GABRA2: variants seen among roughly 807,000 people sequenced by gnomAD.
GABRA2 encodes the protein gamma-aminobutyric acid receptor subunit alpha-2.
Under a neutral mutation model 48.7 loss-of-function variants are expected in GABRA2, and 16 were observed. The observed-to-expected ratio is 0.33, with a 90% confidence interval of 0.22 to 0.50. The LOEUF (loss-of-function observed/expected upper bound fraction) is 0.50, where lower values mean the gene tolerates loss of function less well. GABRA2 is among the 20% of genes least tolerant of loss of function. The probability of loss-of-function intolerance (pLI) is 0.98; values close to 1 mark genes in which losing one functional copy is unlikely to be tolerated. For missense variants in GABRA2, 275 were observed against 535.6 expected (o/e 0.51, Z 4.80); for synonymous variants, 185 against 184.5 (o/e 1.00, Z -0.02).
chr4:46,277,266 T>A (rs1720685001), intron 8 of GABRA2, among the ~76,000 whole-genome samples: 1 of 152,144 alleles, frequency 6.6e-6, no homozygotes, highest in South Asian at 2.1e-4. Flanking sequence ...GGCAGTGAGC[T>A]AACTGGGATG....
intron 4 of GABRA2, among the ~76,000 whole-genome samples, chr4:46,325,243 C>T (rs1390137150): frequency 1.3e-5 from 2 of 151,818 alleles, no homozygotes; most frequent in Non-Finnish European, 2.9e-5. Context: ...TGAAACTTTG[C>T]CAACATGTTA....
chr4:46,251,376 A>C (rs948463419), intron 9 of GABRA2, among the ~76,000 whole-genome samples: 2 of 151,446 alleles, frequency 1.3e-5, no homozygotes, highest in African/African-American at 4.8e-5. Flanking sequence ...TATTTCATGG[A>C]ACTTAGAATG....
At chr4:46,324,323 G>A (rs565997570) in intron 4 of GABRA2, among the ~76,000 whole-genome samples, 12 of 151,922 alleles carry the variant, frequency 7.9e-5, no homozygotes, top group African/African-American at 2.9e-4. Context: ...TCCTCATCAT[G>A]GGATCTGAGA....
At chr4:46,338,803 A>G (rs924644765) in intron 3 of GABRA2, among the ~76,000 whole-genome samples, 2 of 151,880 alleles carry the variant, frequency 1.3e-5, no homozygotes, top group Non-Finnish European at 2.9e-5. Context: ...TCTCCTACCC[A>G]TTTCTGACCT....
chr4:46,333,138 C>G (rs918548168), intron 3 of GABRA2, among the ~76,000 whole-genome samples: 1 of 152,002 alleles, frequency 6.6e-6, no homozygotes, highest in Admixed American at 6.6e-5. Context: ...CTTCTCCATA[C>G]AGCACAAAAC....
At chr4:46,283,463 A>C (rs112129112) in intron 8 of GABRA2, among the ~76,000 whole-genome samples, 1,886 of 152,280 alleles carry the variant, frequency 0.012, 45 homozygotes, top group African/African-American at 0.043. Context: ...TTGTGGACTT[A>C]TTCCACATGG....
chr4:46,267,435 G>A (rs764859205), intron 8 of GABRA2, among the ~76,000 whole-genome samples: 81 of 151,930 alleles, frequency 5.3e-4, no homozygotes, highest in Middle Eastern at 3.4e-3. Flanking sequence ...TCTTTGTGTG[G>A]TCAGTAAAAC....
intron 3 of GABRA2, among the ~76,000 whole-genome samples, chr4:46,356,912 T>A (rs1379273516): frequency 1.3e-5 from 2 of 152,052 alleles, no homozygotes; most frequent in Non-Finnish European, 2.9e-5. Context: ...CTGAACATGA[T>A]CAGCTTTGCC....
chr4:46,365,718 A>G (rs555259604), intron 3 of GABRA2: 8 of 152,274 alleles, frequency 5.3e-5, no homozygotes, highest in African/African-American at 1.4e-4. Context: ...ACATGGTAAG[A>G]ACATGCTCAA....
chr4:46,323,446 C>T (rs994236893), intron 4 of GABRA2, among the ~76,000 whole-genome samples: 1 of 151,962 alleles, frequency 6.6e-6, no homozygotes. Context: ...GTATCTACCA[C>T]CCACATCCCC....
chr4:46,340,943 T>C (rs1733115485), intron 3 of GABRA2, among the ~76,000 whole-genome samples: 1 of 151,944 alleles, frequency 6.6e-6, no homozygotes, highest in Non-Finnish European at 1.5e-5. Flanking sequence ...TTATGTTCCT[T>C]AGAATGAATA....
chr4:46,283,908 C>T (rs1436257813), intron 8 of GABRA2, among the ~76,000 whole-genome samples: 7 of 151,610 alleles, frequency 4.6e-5, no homozygotes, highest in African/African-American at 1.2e-4. Flanking sequence ...TACAGGCACC[C>T]GCCACCACAC....
intron 9 of GABRA2, among the ~76,000 whole-genome samples, chr4:46,254,215 C>T (rs942664303): frequency 6.6e-6 from 1 of 151,534 alleles, no homozygotes; most frequent in South Asian, 2.1e-4. Flanking sequence ...GAGACCTCTT[C>T]GAATATCATG....
At chr4:46,365,118 T>C (rs1341470344) in intron 3 of GABRA2, 1 of 152,160 alleles carries the variant, frequency 6.6e-6, no homozygotes, top group African/African-American at 2.4e-5. Flanking sequence ...TATGGAAGTC[T>C]AAATTTCTAA....
chr4:46,317,726 A>C (rs909231725), intron 4 of GABRA2, among the ~76,000 whole-genome samples: 24 of 151,720 alleles, frequency 1.6e-4, no homozygotes, highest in South Asian at 1.0e-3. Context: ...CACTCTGCCT[A>C]ATATGAGCCC....
chr4:46,361,965 C>T (rs911848828), intron 3 of GABRA2, among the ~76,000 whole-genome samples: 1 of 152,188 alleles, frequency 6.6e-6, no homozygotes, highest in African/African-American at 2.4e-5. Flanking sequence ...CCTGTACCCA[C>T]TATTGTATCT....
chr4:46,308,204 G>C (rs953780373), intron 6 of GABRA2, among the ~76,000 whole-genome samples: 1 of 152,022 alleles, frequency 6.6e-6, no homozygotes, highest in African/African-American at 2.4e-5. Flanking sequence ...AATATCCCTA[G>C]ACTTTCATTC....
Position 46,312,534 on chromosome 4 carries a change from A to G in GABRA2, c.438T>C (p.Leu146=). ...AHNMTMPNKL[L]RIQDDGTLLY... ...GCAGAGTCCCATCATCCTGAATTCG[A>G]AGCAACTTATTTGGCATTGTCATAT... The change falls in exon 5 of 10, where the codon CTT becomes CTC. Residue 146 remains leucine, a synonymous_variant. Coordinates refer to ENST00000381620, the MANE Select transcript of GABRA2 (RefSeq NM_000807.4). 1 of 1,607,566 alleles carries G rather than the reference A, an allele frequency of 6.2e-7. No homozygotes were observed. The highest frequency in any genetic ancestry group is 8.5e-7 in the Non-Finnish European group (1 of 1,177,660).
At chr4:46,289,943 G>A (rs987115441) in intron 8 of GABRA2, among the ~76,000 whole-genome samples, 6 of 138,102 alleles carry the variant, frequency 4.3e-5, no homozygotes, top group Admixed American at 3.4e-4. Context: ...ACTGAGTCGG[G>A]CTCTGTCGCC....
Sources: allele counts gnomAD v4.1 joint callset (sites outside exome capture counted in the v4.1 genomes callset), GRCh38; gene constraint gnomAD v4.1.1; transcripts MANE v1.5; gene names NCBI Gene and HGNC (gene_info 2026-07-23, HGNC 2026-07-21).